The following KDM6A variants were observed in gnomAD, a reference collection of about 807,000 sequenced individuals.
KDM6A encodes lysine-specific demethylase 6A.
A neutral mutation model predicts 117.6 loss-of-function variants in KDM6A; 11 were observed. The ratio of observed to expected loss-of-function variants is 0.09; its 90% CI spans 0.06 to 0.15. The LOEUF is 0.15. KDM6A is among the 10% of genes least tolerant of loss of function. KDM6A has a pLI of 1.00. For synonymous variants in KDM6A, 384 were observed against 396.1 expected (o/e 0.97, Z 0.36); for missense variants, 799 against 1,077.3 (o/e 0.74, Z 3.62).
rs1797454349 is a variant in KDM6A at position 45,051,621 on chromosome X, A to G, written c.655-88A>G. ...TTTTAGTTTTAAAAAATATGCTAAA[A>G]CATCAGTATTGTATAATTCTTAATA... On this transcript the variant is annotated intron_variant, in intron 8 of 29. Coordinates refer to ENST00000611820, the MANE Select transcript of KDM6A (RefSeq NM_001291415.2). 24 of 506,090 alleles carry G rather than the reference A, an allele frequency of 4.7e-5. 1 individual carries two copies. In the South Asian group the frequency reaches 8.0e-4, roughly 17 times the overall value. The allele number at this position is 506,090 out of a possible 1,213,427, so 41.7% of individuals were successfully genotyped here. A position where few individuals can be genotyped will look rare whatever the true frequency, so the allele number is the denominator to read the frequency against.
intron 23 of KDM6A, 143 bp from the exon 24 acceptor site, chrX:45,083,317 T>C (rs1011653717): frequency 6.1e-5 from 32 of 526,035 alleles, no homozygotes; most frequent in Admixed American, 8.7e-5. Context: ...AAATTAAAAA[T>C]TTAAGCATTT....
intron 2 of KDM6A, among the ~76,000 whole-genome samples, chrX:44,946,933 A>G (rs2037671912): frequency 9.0e-6 from 1 of 111,658 alleles, no homozygotes; most frequent in South Asian, 3.7e-4. Flanking sequence ...ATCTGGCACA[A>G]TGCCAACTTT....
chrX:44,890,404 C>T (rs2033243158), intron 2 of KDM6A, among the ~76,000 whole-genome samples: 1 of 111,582 alleles, frequency 9.0e-6, no homozygotes, highest in African/African-American at 3.3e-5. Flanking sequence ...CTCTGGGCTA[C>T]GTGCCCAAGA....
chrX:45,077,037 T>C (rs745993995), intron 19 of KDM6A, among the ~76,000 whole-genome samples: 1 of 110,857 alleles, frequency 9.0e-6, no homozygotes, highest in East Asian at 2.8e-4. Context: ...GTGATGATAT[T>C]AGAATCATGA....
At chrX:44,977,795 AGTT>A (rs2039686625) in intron 4 of KDM6A, among the ~76,000 whole-genome samples, 1 of 112,272 alleles carries the variant, frequency 8.9e-6, no homozygotes, top group Non-Finnish European at 1.9e-5. Flanking sequence ...ACATTTTCTT[AGTT>A]GTTAGTGAGA....
At chrX:44,878,435 T>G in intron 2 of KDM6A, among the ~76,000 whole-genome samples, 1 of 112,198 alleles carries the variant, frequency 8.9e-6, no homozygotes, top group Middle Eastern at 4.6e-3. Flanking sequence ...TTTAAAGAGT[T>G]TTCTAGTTTG....
At chrX:45,028,848 A>G (rs17144713) in intron 6 of KDM6A, among the ~76,000 whole-genome samples, 1,328 of 112,324 alleles carry the variant, frequency 0.012, 24 homozygotes, top group African/African-American at 0.041. Flanking sequence ...ACGTGCCTTC[A>G]AGTGTGAATT....
intron 2 of KDM6A, among the ~76,000 whole-genome samples, chrX:44,906,626 G>GTA (rs891686271): frequency 8.2e-5 from 9 of 109,859 alleles, no homozygotes; most frequent in East Asian, 2.8e-4. Context: ...TATTGTGTGT[G>GTA]TATATATATA....
chrX:45,063,030 A>G (rs1316207102), intron 16 of KDM6A, among the ~76,000 whole-genome samples: 1 of 111,420 alleles, frequency 9.0e-6, no homozygotes, highest in Non-Finnish European at 1.9e-5. Context: ...CAAGGTTTTT[A>G]GGGCTTATTT....
At chrX:45,001,017 C>A (rs756416705) in intron 4 of KDM6A, among the ~76,000 whole-genome samples, 46 of 112,741 alleles carry the variant, frequency 4.1e-4, no homozygotes, top group African/African-American at 1.4e-3. Context: ...GTCTTAATTG[C>A]CAAAGTTTGT....
intron 8 of KDM6A, among the ~76,000 whole-genome samples, chrX:45,040,382 C>A (rs2043037024): frequency 1.1e-5 from 1 of 92,614 alleles, no homozygotes. Context: ...GACAGGGCGG[C>A]TGGCCAGGCG....
chrX:45,031,533 GTT>G (rs1204144196), intron 6 of KDM6A, among the ~76,000 whole-genome samples: 1 of 111,581 alleles, frequency 9.0e-6, no homozygotes, highest in African/African-American at 3.3e-5. Context: ...GCTTGCATAA[GTT>G]TTTTTTCTGG....
chrX:44,937,555 A>C (rs1157320688), intron 2 of KDM6A, among the ~76,000 whole-genome samples: 1 of 111,709 alleles, frequency 9.0e-6, no homozygotes, highest in Non-Finnish European at 1.9e-5. Context: ...GGCACCATGA[A>C]CTGTGCGCAT....
chrX:45,038,508 T>A (rs1441420033), intron 8 of KDM6A, among the ~76,000 whole-genome samples: 1 of 110,070 alleles, frequency 9.1e-6, no homozygotes, highest in Non-Finnish European at 1.9e-5. Context: ...TTAGAACATC[T>A]TGGTTTTGTG....
chrX:44,991,168 G>T (rs1244847912), intron 4 of KDM6A, among the ~76,000 whole-genome samples: 3 of 111,504 alleles, frequency 2.7e-5, no homozygotes, highest in Non-Finnish European at 5.7e-5. Context: ...ATTAATTTCT[G>T]ATTCTTAGTT....
intron 2 of KDM6A, among the ~76,000 whole-genome samples, chrX:44,906,594 C>G (rs905627706): frequency 9.1e-6 from 1 of 109,807 alleles, no homozygotes; most frequent in Non-Finnish European, 1.9e-5. Context: ...TTCATCTTTT[C>G]TTTTTTAATT....
intron 2 of KDM6A, among the ~76,000 whole-genome samples, chrX:44,883,868 C>T (rs910592888): frequency 4.5e-5 from 5 of 110,230 alleles, no homozygotes; most frequent in African/African-American, 6.6e-5. Context: ...TTTGGGAGGC[C>T]GAGGCTGGTG....
intron 3 of KDM6A, among the ~76,000 whole-genome samples, chrX:44,973,645 A>G (rs1339947468): frequency 9.0e-6 from 1 of 110,902 alleles, no homozygotes; most frequent in Non-Finnish European, 1.9e-5. Flanking sequence ...TTTTCTGGGA[A>G]TATTTTTGGA....
At position 44,981,091 on chromosome X, in the gene KDM6A, G is replaced by A. The variant is rs138071936; in HGVS notation, c.384+6376G>A. ...ACATTTCTGTAACAAAATGTGTGTG[G>A]GTTTTCCCCCTGCATACCTGGCAAG... is the stretch of plus-strand genomic sequence containing the variant. On this transcript the variant is annotated intron_variant, in intron 4 of 29. Coordinates refer to ENST00000611820, the MANE Select transcript of KDM6A (RefSeq NM_001291415.2). Among the ~76,000 whole-genome samples the A allele has an allele frequency of 2.4e-3, 263 of 111,275 alleles. 1 individual carries two copies. Among genetic ancestry groups the A allele is most frequent in the African/African-American group, 8.4e-3 (257 of 30,602 alleles).
Sources: allele counts gnomAD v4.1 joint callset (sites outside exome capture counted in the v4.1 genomes callset), GRCh38; gene constraint gnomAD v4.1.1; transcripts MANE v1.5; gene names NCBI Gene and HGNC (gene_info 2026-07-23, HGNC 2026-07-21).